Variants in GLRX observed in about 807,000 individuals in gnomAD.
The protein encoded by GLRX is glutaredoxin.
In GLRX, 9 loss-of-function variants were observed where a neutral mutation model predicts 11.1. The observed-to-expected ratio is 0.81, with a 90% CI of 0.49 to 1.42. The LOEUF (loss-of-function observed/expected upper bound fraction) is 1.42, where lower values mean the gene tolerates loss of function less well. Among genes scored for constraint, GLRX ranks in the 40% most tolerant of loss-of-function variants. GLRX has a pLI of 0.00. For missense variants in GLRX, 102 were observed against 126.2 expected, an observed-to-expected ratio of 0.81 and a Z score of 0.92; for synonymous variants, 49 against 49.5, an observed-to-expected ratio of 0.99 and a Z score of 0.04.
chr5:95,818,148 A>T (rs1747076992), intron 1 of GLRX: 1 of 152,144 alleles, frequency 6.6e-6, no homozygotes, highest in South Asian at 2.1e-4. Flanking sequence ...CCCAGCGTGG[A>T]GTTTTGTGCT....
At chr5:95,815,170 C>T (rs1032586499) in intron 2 of GLRX, among the ~76,000 whole-genome samples, 1 of 152,194 alleles carries the variant, frequency 6.6e-6, no homozygotes, top group African/African-American at 2.4e-5. Flanking sequence ...AATGCCCACA[C>T]CAAAATAGAA....
intron 1 of GLRX, chr5:95,819,159 A>G (rs1747122003): frequency 6.6e-6 from 1 of 152,178 alleles, no homozygotes; most frequent in African/African-American, 2.4e-5. Flanking sequence ...CCCCCACTAG[A>G]ATATAGGTTC....
chr5:95,820,370 A>AC (rs1188495909), intron 1 of GLRX, among the ~76,000 whole-genome samples: 8 of 150,976 alleles, frequency 5.3e-5, no homozygotes, highest in Non-Finnish European at 1.0e-4. Flanking sequence ...AAAAAAAAAA[A>AC]AAAAACCTTA....
In GLRX at chr5:95,822,536, G is replaced by A; in HGVS notation, c.127C>T (p.Leu43=). 3 of 1,613,912 alleles carry A rather than the reference G, an allele frequency of 1.9e-6. No homozygotes were observed. Among genetic ancestry groups the A allele is most frequent in the Non-Finnish European group, 2.5e-6 (3 of 1,179,794 alleles). Residue 43 remains leucine (L), a synonymous_variant, in exon 1 of 3, where the codon CTG becomes TTG. Coordinates refer to ENST00000237858, the MANE Select transcript of GLRX (RefSeq NM_001118890.2). ...GTGGCTGTGATATCGACAAATTCCA[G>A]AAGCCCTTGTTTGATGGGCAATTGA... ...LSQLPIKQGL[L]EFVDITATNH... is the part of the protein sequence containing the mutation.
At chr5:95,816,808 A>C (rs1747016937) in intron 1 of GLRX, 182 bp from the exon 2 acceptor site, 7 of 490,354 alleles carry the variant, frequency 1.4e-5, no homozygotes, top group Middle Eastern at 6.1e-4. Flanking sequence ...TAACTCGAGA[A>C]TGTTTTTACG....
chr5:95,820,619 C>T (rs566990399), intron 1 of GLRX, among the ~76,000 whole-genome samples: 25 of 143,952 alleles, frequency 1.7e-4, no homozygotes, highest in Middle Eastern at 3.7e-3. Context: ...TGAACCTGGG[C>T]GGTGGAGGTT....
In GLRX at chr5:95,814,381, C is replaced by G. The variant is rs560819180; in HGVS notation, c.*15G>C. Reference sequence around the variant, plus strand: ...CTTTCACAGAATTGTTGAACATTTCCTATGAGATCTGTGGAGGACAAGGTG... The same window carrying G: ...CTTTCACAGAATTGTTGAACATTTCGTATGAGATCTGTGGAGGACAAGGTG... On this transcript the variant is annotated 3_prime_UTR_variant, in exon 3 of 3. Transcript: ENST00000237858. 2.0e-5 allele frequency: 3 copies of G among 152,756 alleles called. 1 individual carries two copies. The South Asian group carries it at 6.2e-4, about 32-fold the overall frequency. 9.5% of individuals were successfully genotyped at this position (152,756 alleles called of 1,614,324 possible).
At chr5:95,819,897 C>CAAA (rs35347478) in intron 1 of GLRX, among the ~76,000 whole-genome samples, 6,302 of 53,804 alleles carry the variant, frequency 0.12, 936 homozygotes, top group Middle Eastern at 0.17. Flanking sequence ...GACTCCGTCT[C>CAAA]AAAAAAAAAA....
chr5:95,819,474 T>C (rs1747131599), intron 1 of GLRX: 1 of 152,214 alleles, frequency 6.6e-6, no homozygotes, highest in African/African-American at 2.4e-5. Context: ...AAGGCACTAA[T>C]TTAGGAGCTG....
chr5:95,822,433 T>C, intron 1 of GLRX, 23 bp downstream of exon 1: 1 of 1,571,810 alleles, frequency 6.4e-7, no homozygotes, highest in Non-Finnish European at 8.7e-7. Flanking sequence ...AGCCTTTCCC[T>C]AGCCGTTTAA....
chr5:95,820,364 A>G (rs1561467869), intron 1 of GLRX, among the ~76,000 whole-genome samples: 1 of 150,910 alleles, frequency 6.6e-6, no homozygotes, highest in Non-Finnish European at 1.5e-5. Context: ...AAAAAAAAAA[A>G]AAAAAAAAAA....
In GLRX at chr5:95,822,547, T is replaced by C. The variant is rs1747285403; in HGVS notation, c.116A>G (p.Lys39Arg). ...AQEILSQLPI[K>R]QGLLEFVDIT... is the part of the protein sequence containing the mutation. ...ATCGACAAATTCCAGAAGCCCTTGT[T>C]TGATGGGCAATTGACTGAGGATCTC... Residue 39 changes from lysine to arginine, a missense_variant, in exon 1 of 3, where the codon AAA becomes AGA. Coordinates refer to ENST00000237858, the MANE Select transcript of GLRX (RefSeq NM_001118890.2). 1 of 1,613,876 alleles carries C rather than the reference T, an allele frequency of 6.2e-7. No individual in the cohort carries two copies. The highest frequency in any genetic ancestry group is 1.3e-5 in the African/African-American group (1 of 75,050).
chr5:95,822,722 T>G lies in GLRX; in HGVS notation c.-60A>C. ...CAGTTGCAGGTATTGCTTGGGGTAT[T>G]GAGCCCCGACCCAGCCAGTTGGCTC... On this transcript the variant is annotated 5_prime_UTR_variant, in exon 1 of 3. Transcript: ENST00000237858. 1 of 1,433,444 alleles carries G rather than the reference T, an allele frequency of 7.0e-7. No homozygotes were observed. 88.8% of individuals were successfully genotyped at this position (1,433,444 alleles called of 1,614,324 possible).
At chr5:95,822,365 G>A (rs1014194326) in intron 1 of GLRX, 91 bp downstream of exon 1, 6 of 888,386 alleles carry the variant, frequency 6.8e-6, no homozygotes, top group Non-Finnish European at 1.1e-5. Flanking sequence ...CTTGAAGTAC[G>A]GAGCCGCAGC....
chr5:95,816,132 C>T (rs1175645217), intron 2 of GLRX, among the ~76,000 whole-genome samples: 4 of 152,158 alleles, frequency 2.6e-5, no homozygotes, highest in Admixed American at 2.6e-4. Flanking sequence ...ACCATGTTAG[C>T]TCAATTTTCT....
chr5:95,816,339 T>A, intron 2 of GLRX, 168 bp downstream of exon 2: 4 of 554,990 alleles, frequency 7.2e-6, no homozygotes, highest in East Asian at 3.0e-5. Context: ...ATTGACACGA[T>A]CTCTTTGTAA....
chr5:95,816,673 CA>C (rs1437260372), intron 1 of GLRX, 47 bp from the exon 2 acceptor site: 2 of 921,634 alleles, frequency 2.2e-6, no homozygotes, highest in Non-Finnish European at 3.6e-6. Context: ...CTAGATTAGA[CA>C]GAACATTTCT....
At chr5:95,815,142 C>T (rs1580444286) in intron 2 of GLRX, among the ~76,000 whole-genome samples, 1 of 152,186 alleles carries the variant, frequency 6.6e-6, no homozygotes, top group Non-Finnish European at 1.5e-5. Context: ...AGGAGACTTT[C>T]TGAATATGGG....
At position 95,814,381 on chromosome 5, in the gene GLRX, C is replaced by T. The variant is rs560819180; in HGVS notation, c.*15G>A. 1 of 152,638 alleles carries T rather than the reference C, an allele frequency of 6.6e-6. No individual in the cohort carries two copies. The highest frequency in any genetic ancestry group is 1.5e-5 in the Non-Finnish European group (1 of 68,054). 9.5% of individuals were successfully genotyped at this position (152,638 alleles called of 1,614,324 possible). The stretch of plus-strand genomic sequence containing the variant: ...CTTTCACAGAATTGTTGAACATTTC[C>T]TATGAGATCTGTGGAGGACAAGGTG... On this transcript the variant is annotated 3_prime_UTR_variant, in exon 3 of 3. Coordinates refer to ENST00000237858, the MANE Select transcript of GLRX (RefSeq NM_001118890.2).
Sources: allele counts gnomAD v4.1 joint callset (sites outside exome capture counted in the v4.1 genomes callset), GRCh38; gene constraint gnomAD v4.1.1; transcripts MANE v1.5; gene names NCBI Gene and HGNC (gene_info 2026-07-23, HGNC 2026-07-21).